The following PIGG variants were observed in gnomAD, a reference collection of about 807,000 sequenced individuals.
The protein encoded by PIGG is GPI ethanolamine phosphate transferase 2, catalytic subunit.
In PIGG, 70 loss-of-function variants were observed where a neutral mutation model predicts 83.2. That is an observed-to-expected ratio of 0.84 (90% CI 0.69 to 1.03). PIGG has a LOEUF of 1.03. Ranked by LOEUF, PIGG falls within the 50% of genes least tolerant of loss-of-function variation. PIGG has a pLI of 0.00. For missense variants in PIGG, 1,257 were observed against 1,233.6 expected, an observed-to-expected ratio of 1.02 and a Z score of -0.28; for synonymous variants, 532 against 519.5, an observed-to-expected ratio of 1.02 and a Z score of -0.33.
Position 499,327 on chromosome 4 carries a change from G to T in PIGG, c.-9G>T. ...GGGTCGGTTCCGCATCCAGCCTAGCGTGTCCACGATGCGGCTGGGCTCCGG... is the reference window on the plus strand; with the variant it reads ...GGGTCGGTTCCGCATCCAGCCTAGCTTGTCCACGATGCGGCTGGGCTCCGG... On this transcript the variant is annotated 5_prime_UTR_variant, in exon 1 of 13. Coordinates refer to ENST00000453061, the MANE Select transcript of PIGG (RefSeq NM_001127178.3). 1 of 1,606,004 alleles carries T rather than the reference G, an allele frequency of 6.2e-7. No individual in the cohort carries two copies. The highest frequency in any genetic ancestry group is 8.5e-7 in the Non-Finnish European group (1 of 1,179,666).
intron 5 of PIGG, among the ~76,000 whole-genome samples, chr4:511,810 A>G (rs782757436): frequency 7.2e-5 from 11 of 152,214 alleles, no homozygotes; most frequent in Non-Finnish European, 1.5e-4. Context: ...TTTTTGTTTT[A>G]GAAAATATCC....
At chr4:536,586 G>T (rs900336742) in intron 12 of PIGG, 25 of 152,234 alleles carry the variant, frequency 1.6e-4, no homozygotes, top group African/African-American at 5.8e-4. Flanking sequence ...CCTGCTCGGC[G>T]TCCGCCTGTC....
Position 516,073 on chromosome 4 carries a change from C to G in PIGG, c.1002C>G (p.Leu334=). Residue 334 remains leucine, a synonymous_variant, in exon 6 of 13, where the codon CTC becomes CTG. Transcript: ENST00000453061. Reference sequence around the variant, plus strand: ...TTCCAAAAGACAGTGTAGGGAGCCTCCTATTCCCAGTTGTGGAAGGAAGAC... The same window carrying G: ...TTCCAAAAGACAGTGTAGGGAGCCTGCTATTCCCAGTTGTGGAAGGAAGAC... The part of the protein sequence containing the change: ...LPIPKDSVGS[L]LFPVVEGRPM... 1 of 1,613,682 alleles carries G rather than the reference C, an allele frequency of 6.2e-7. No individual in the cohort carries two copies. Among genetic ancestry groups the G allele is most frequent in the South Asian group, 1.1e-5 (1 of 91,054 alleles).
chr4:512,499 C>G (rs998938518), intron 5 of PIGG, among the ~76,000 whole-genome samples: 2 of 151,884 alleles, frequency 1.3e-5, no homozygotes, highest in African/African-American at 4.8e-5. Context: ...TTTTTTAACA[C>G]CAGAGTTTCA....
intron 4 of PIGG, among the ~76,000 whole-genome samples, chr4:508,374 TG>T (rs1720597851): frequency 6.6e-6 from 1 of 152,222 alleles, no homozygotes; most frequent in African/African-American, 2.4e-5. Context: ...CAGCAAAGGA[TG>T]TGTGGCTGCA....
intron 2 of PIGG, among the ~76,000 whole-genome samples, chr4:503,149 G>A (rs1457307479): frequency 6.6e-6 from 1 of 152,130 alleles, no homozygotes; most frequent in African/African-American, 2.4e-5. Context: ...AGGTGAACAG[G>A]TGCTCTTGAA....
At chr4:527,712 G>T in intron 10 of PIGG, 1 of 985,174 alleles carries the variant, frequency 1.0e-6, no homozygotes, top group Non-Finnish European at 1.2e-6. Context: ...ACGAGCCCCC[G>T]TAAGGGGCCA....
At chr4:514,323 A>G (rs1001489798) in intron 5 of PIGG, among the ~76,000 whole-genome samples, 1 of 152,208 alleles carries the variant, frequency 6.6e-6, no homozygotes, top group Non-Finnish European at 1.5e-5. Context: ...TAGTGTTCAT[A>G]TCTCTAATAT....
At chr4:510,912 T>C (rs1460886488) in intron 5 of PIGG, among the ~76,000 whole-genome samples, 2 of 152,066 alleles carry the variant, frequency 1.3e-5, no homozygotes, top group East Asian at 1.9e-4. Flanking sequence ...GCATGTTTTG[T>C]GTAAATGAAA....
At chr4:532,268 G>A (rs988501460) in intron 11 of PIGG, 7 of 152,312 alleles carry the variant, frequency 4.6e-5, no homozygotes, top group Non-Finnish European at 1.0e-4. Flanking sequence ...AAGTCATGCA[G>A]GTAAAGCTGC....
At position 521,040 on chromosome 4, in the gene PIGG, T is replaced by C. The variant is rs1725702670; in HGVS notation, c.1115-16T>C. On this transcript the variant is annotated splice_polypyrimidine_tract_variant and intron_variant, in intron 6 of 12. Coordinates refer to ENST00000453061, the MANE Select transcript of PIGG (RefSeq NM_001127178.3). The stretch of plus-strand genomic sequence containing the variant: ...GGTGTGTGTGCGCGCCTGTAACCTT[T>C]CTGTCTTCTTAATAGATCCTGGGTT... 2 of 1,590,114 alleles carry C rather than the reference T, an allele frequency of 1.3e-6. No individual in the cohort carries two copies. The highest frequency in any genetic ancestry group is 1.7e-6 in the Non-Finnish European group (2 of 1,158,166).
At position 499,283 on chromosome 4, in the gene PIGG, C is replaced by A; in HGVS notation, c.-53C>A. The A allele has an allele frequency of 6.3e-7, 1 of 1,577,804 alleles. No individual in the cohort carries two copies. On this transcript the variant is annotated 5_prime_UTR_variant, in exon 1 of 13. Transcript: ENST00000453061. ...CCTGGAGCCGGAAGCGCGGCTGCAG[C>A]AGGGCGAGGCTCCAGGTGGGGTCGG...
intron 12 of PIGG, among the ~76,000 whole-genome samples, chr4:537,657 G>A (rs1196741751): frequency 6.6e-6 from 1 of 152,244 alleles, no homozygotes; most frequent in Non-Finnish European, 1.5e-5. Flanking sequence ...AAGGAAAGCA[G>A]TGAAAGGACC....
At position 523,847 on chromosome 4, in the gene PIGG, T is replaced by C; in HGVS notation, c.2003T>C (p.Leu668Pro). The part of the protein sequence containing the change: ...PWLILACCRL[L>P]RSLNQTGVQW... ...CTAATACTGGCCTGCTGCCGGCTGC[T>C]GCGCTCCCTAAACCAGACAGGTGTG... Residue 668 changes from leucine (L) to proline (P), a missense_variant, in exon 9 of 13, where the codon CTG becomes CCG. Coordinates refer to ENST00000453061, the MANE Select transcript of PIGG (RefSeq NM_001127178.3). 1 of 1,598,736 alleles carries C rather than the reference T, an allele frequency of 6.3e-7. No individual in the cohort carries two copies. The highest frequency in any genetic ancestry group is 2.3e-5 in the East Asian group (1 of 44,032).
intron 12 of PIGG, among the ~76,000 whole-genome samples, chr4:535,516 G>A (rs1028403485): frequency 9.2e-6 from 1 of 109,242 alleles, no homozygotes; most frequent in African/African-American, 4.7e-5. Flanking sequence ...GGGCAGGTCA[G>A]CCAGAGCTTT....
Position 499,466 on chromosome 4 carries a change from C to A in PIGG, c.131C>A (p.Pro44His), listed in dbSNP as rs1192177850. The A allele has an allele frequency of 3.1e-6, 5 of 1,600,730 alleles. No individual in the cohort carries two copies. The Admixed American group carries it at 5.0e-5, about 16-fold the overall frequency. The change falls in exon 1 of 13, where the codon CCC becomes CAC. Residue 44 changes from proline (P) to histidine (H), a missense_variant. Pro to His is a moderately conservative substitution (Grantham distance 77, BLOSUM62 -2). Transcript: ENST00000453061. ...GCCAGAGCGGAACACGGAGCGGAGC[C>A]CCCAGCGCCCGAACCCTCGGCTGGT... ...SSARAEHGAE[P>H]PAPEPSAGAS...
At chr4:522,907 C>T (rs1726435642) in intron 8 of PIGG, 1 of 153,834 alleles carries the variant, frequency 6.5e-6, no homozygotes, top group Non-Finnish European at 1.4e-5. Context: ...CCAACTTTGT[C>T]ATTTCAACAG....
intron 3 of PIGG, among the ~76,000 whole-genome samples, chr4:506,296 G>A (rs908202772): frequency 1.2e-4 from 19 of 152,248 alleles, no homozygotes; most frequent in African/African-American, 3.9e-4. Context: ...TGGCAGAGCT[G>A]TAGGACTCCA....
chr4:499,313 G>T lies in PIGG; in HGVS notation c.-23G>T. On this transcript the variant is annotated 5_prime_UTR_variant, in exon 1 of 13. Coordinates refer to ENST00000453061, the MANE Select transcript of PIGG (RefSeq NM_001127178.3). ...CGAGGCTCCAGGTGGGGTCGGTTCCGCATCCAGCCTAGCGTGTCCACGATG... is the reference window on the plus strand; with the variant it reads ...CGAGGCTCCAGGTGGGGTCGGTTCCTCATCCAGCCTAGCGTGTCCACGATG... 6.2e-7 allele frequency: 1 copy of T among 1,601,402 alleles called. No homozygotes were observed. The highest frequency in any genetic ancestry group is 8.5e-7 in the Non-Finnish European group (1 of 1,178,594).
Sources: gnomAD v4.1 joint callset for allele counts (sites outside exome capture counted in the v4.1 genomes callset) on GRCh38, gnomAD v4.1.1 for gene constraint, MANE v1.5 for transcripts, NCBI Gene and HGNC (gene_info 2026-07-23, HGNC 2026-07-21) for gene names.